BCAT2: variants seen among roughly 807,000 people sequenced by gnomAD.
BCAT2 encodes the protein branched chain amino acid transaminase 2.
BCAT2 carries 44 observed loss-of-function variants against 52.9 expected under a neutral mutation model. The observed-to-expected ratio is 0.83, with a 90% CI of 0.65 to 1.07. The LOEUF is 1.07. Ranked by LOEUF, BCAT2 falls within the 50% of genes least tolerant of loss-of-function variation. The pLI is 0.00. For synonymous variants in BCAT2, 215 were observed against 217.1 expected (o/e 0.99, Z 0.08); for missense variants, 478 against 521.8 (o/e 0.92, Z 0.82).
At chr19:48,803,566 G>A (rs2034701268) in intron 3 of BCAT2, among the ~76,000 whole-genome samples, 1 of 151,792 alleles carries the variant, frequency 6.6e-6, no homozygotes, top group African/African-American at 2.4e-5. Context: ...AAATGCAGGT[G>A]GCCAGGCTTG....
rs2034823995 is a variant in BCAT2 at position 48,807,735 on chromosome 19, G to A, written c.25-661C>T. The A allele has an allele frequency of 6.1e-6, 6 of 986,362 alleles. No individual in the cohort carries two copies. Among genetic ancestry groups the A allele is most frequent in the South Asian group, 9.1e-5 (2 of 21,968 alleles). 61.1% of individuals were successfully genotyped at this position (986,362 alleles called of 1,614,324 possible). A position where few individuals can be genotyped will look rare whatever the true frequency, so the allele number is the denominator to read the frequency against. On this transcript the variant is annotated intron_variant, in intron 1 of 10. Transcript: ENST00000316273. This position sits in a 1 kb window ranked among gnomAD's most constrained non-coding sequence, Gnocchi z 4.6. ...AGGTGCTTATTCTCTGAAGGTATTCGATCAACTGGGCTCTGATTACCTGAA... is the reference window on the plus strand; with the variant it reads ...AGGTGCTTATTCTCTGAAGGTATTCAATCAACTGGGCTCTGATTACCTGAA...
At position 48,799,755 on chromosome 19, in the gene BCAT2, G is replaced by A. The variant is rs528950005; in HGVS notation, c.615C>T (p.Ser205=). 5.1e-5 allele frequency: 81 copies of A among 1,579,228 alleles called. No homozygotes were observed. The East Asian group carries it at 1.8e-3, about 36-fold the overall frequency. ...CPVGAYFPGG[S]VTPVSLLADP... is the part of the protein sequence containing the mutation. ...CGGCCAGGAGGGAGACCGGGGTCAC[G>A]GAGCCTCCAGGGAAGTAGGCACCCA... The change falls in exon 6 of 11, where the codon TCC becomes TCT. Residue 205 remains serine, a synonymous_variant. Coordinates refer to ENST00000316273, the MANE Select transcript of BCAT2 (RefSeq NM_001190.4). This position sits in a 1 kb window ranked among gnomAD's most constrained non-coding sequence, Gnocchi z 5.5.
Position 48,799,653 on chromosome 19 carries a change from TG to T in BCAT2, c.695+21del, listed in dbSNP as rs1247275890. 1 of 1,545,896 alleles carries T rather than the reference TG, an allele frequency of 6.5e-7. No individual in the cohort carries two copies. The highest frequency in any genetic ancestry group is 1.2e-5 in the South Asian group (1 of 81,472). On this transcript the variant is annotated intron_variant, in intron 6 of 10. Coordinates refer to ENST00000316273, the MANE Select transcript of BCAT2 (RefSeq NM_001190.4). The surrounding 1 kb of genome is among the most constrained non-coding windows in gnomAD (Gnocchi z 5.5). Reference sequence around the variant, plus strand: ...CCAACGCCCAGTGCGCCAGTCGTTCTGGGGATGGGGGTGCTACTTACCCACC... The same window carrying T: ...CCAACGCCCAGTGCGCCAGTCGTTCTGGGATGGGGGTGCTACTTACCCACC...
Position 48,795,166 on chromosome 19 carries a change from G to C in BCAT2, c.*260C>G, listed in dbSNP as rs1263418885. 3.7e-6 allele frequency: 2 copies of C among 546,494 alleles called. No homozygotes were observed. Among genetic ancestry groups the C allele is most frequent in the African/African-American group, 1.9e-5 (1 of 52,330 alleles). 33.9% of individuals were successfully genotyped at this position (546,494 alleles called of 1,614,324 possible). On this transcript the variant is annotated 3_prime_UTR_variant, in exon 11 of 11. Transcript: ENST00000316273. ...CCTGAGAACGGAGAGATCCGGAATC[G>C]GGGCCAAGGTGTATCCTTGACCGCA...
chr19:48,795,580 T>C (rs532471434), intron 10 of BCAT2, 116 bp from the exon 11 acceptor site: 26 of 1,200,212 alleles, frequency 2.2e-5, no homozygotes, highest in African/African-American at 1.5e-4. Flanking sequence ...TCACGGGAAA[T>C]GTAGTCCACT....
At chr19:48,802,028 CTCT>C (rs2034668886) in intron 3 of BCAT2, among the ~76,000 whole-genome samples, 1 of 152,012 alleles carries the variant, frequency 6.6e-6, no homozygotes, top group African/African-American at 2.4e-5. Context: ...ATCCCCCTGC[CTCT>C]TCTTCCCAGC....
intron 3 of BCAT2, among the ~76,000 whole-genome samples, chr19:48,801,320 T>TG (rs1054883019): frequency 1.1e-4 from 16 of 151,916 alleles, no homozygotes; most frequent in Admixed American, 1.1e-3. Context: ...TACAATATTT[T>TG]GGGGGGATAA....
Position 48,804,218 on chromosome 19 carries a change from G to A in BCAT2, c.300+2299C>T, listed in dbSNP as rs1051199575. On this transcript the variant is annotated intron_variant, in intron 3 of 10. Coordinates refer to ENST00000316273, the MANE Select transcript of BCAT2 (RefSeq NM_001190.4). Reference sequence around the variant, plus strand: ...GTTGGAATCCCACATTTGATGCTGTGTGTTATTATGTATGCGTATTAGTAC... The same window carrying A: ...GTTGGAATCCCACATTTGATGCTGTATGTTATTATGTATGCGTATTAGTAC... Among the ~76,000 whole-genome samples, 3 of 152,026 alleles carry A rather than the reference G, an allele frequency of 2.0e-5. No individual in the cohort carries two copies. In the East Asian group the frequency reaches 5.8e-4, roughly 29 times the overall value.
rs772170247 is a variant in BCAT2, at chr19:48,797,042, T to C, written c.839-20A>G. 8.7e-6 allele frequency: 14 copies of C among 1,613,464 alleles called. No individual in the cohort carries two copies. The highest frequency in any genetic ancestry group is 7.6e-6 in the Non-Finnish European group (9 of 1,179,562). ...CCAGCACTAGGGCAGGTGTAAGGGG[T>C]GGAAGATGTTACCTCTCACCCCCTA... On this transcript the variant is annotated intron_variant, in intron 7 of 10. Transcript: ENST00000316273.
chr19:48,805,310 C>G (rs1237164691), intron 3 of BCAT2, among the ~76,000 whole-genome samples: 1 of 152,118 alleles, frequency 6.6e-6, no homozygotes, highest in Non-Finnish European at 1.5e-5. Flanking sequence ...CATGTGGGGA[C>G]AGGCCCAAGG....
chr19:48,801,698 T>TC (rs1322317191), intron 3 of BCAT2, among the ~76,000 whole-genome samples: 2 of 151,676 alleles, frequency 1.3e-5, no homozygotes, highest in African/African-American at 2.4e-5. Flanking sequence ...GCTGAAGTGC[T>TC]CTATCTTGGC....
Position 48,800,301 on chromosome 19 carries a change from C to T in BCAT2, c.301-4G>A, listed in dbSNP as rs1367004056. 3.1e-6 allele frequency: 5 copies of T among 1,612,574 alleles called. No individual in the cohort carries two copies. Among genetic ancestry groups the T allele is most frequent in the Non-Finnish European group, 4.2e-6 (5 of 1,179,772 alleles). On this transcript the variant is annotated splice_region_variant and splice_polypyrimidine_tract_variant and intron_variant, in intron 3 of 10. Transcript: ENST00000316273. ...ACGCCTTCATGCCCTCAAACAGCTG[C>T]GGGGACACGCGGGTGGGGAGGCTCA...
intron 2 of BCAT2, 81 bp from the exon 3 acceptor site, chr19:48,806,798 TC>T: frequency 6.5e-7 from 1 of 1,538,032 alleles, no homozygotes; most frequent in Non-Finnish European, 8.9e-7. Flanking sequence ...GCCCTGGGCC[TC>T]AGACCCATAG....
intron 3 of BCAT2, among the ~76,000 whole-genome samples, chr19:48,804,361 T>C (rs2034717564): frequency 6.6e-6 from 1 of 151,882 alleles, no homozygotes; most frequent in Non-Finnish European, 1.5e-5. Flanking sequence ...CTGGCCAACA[T>C]GGTGAAACCC....
rs771238428 is a variant in BCAT2, at chr19:48,797,582, G to C, written c.696-249C>G. 8.7e-6 allele frequency: 4 copies of C among 459,706 alleles called. No individual in the cohort carries two copies. In the Admixed American group the frequency reaches 1.5e-4, roughly 17 times the overall value. The allele number at this position is 459,706 out of a possible 1,614,324, so 28.5% of individuals were successfully genotyped here. ...TCTTTTTTTTTTAAGACGGAGTCTC[G>C]CTCTGTCACCCAGGCTGGAGTGCAG... On this transcript the variant is annotated intron_variant, in intron 6 of 10. Coordinates refer to ENST00000316273, the MANE Select transcript of BCAT2 (RefSeq NM_001190.4).
chr19:48,804,244 C>T (rs922851352), intron 3 of BCAT2, among the ~76,000 whole-genome samples: 1 of 151,810 alleles, frequency 6.6e-6, no homozygotes, highest in African/African-American at 2.4e-5. Flanking sequence ...GTATTAGTAC[C>T]ACAATAATAA....
intron 6 of BCAT2, chr19:48,797,638 C>T (rs973295684): frequency 6.1e-6 from 2 of 326,556 alleles, no homozygotes; most frequent in Non-Finnish European, 1.2e-5. Flanking sequence ...GCAACCTCCG[C>T]CTCCCAGGTT....
chr19:48,808,399 AG>A, intron 1 of BCAT2: 3 of 311,806 alleles, frequency 9.6e-6, no homozygotes, highest in Non-Finnish European at 1.4e-5. Flanking sequence ...GCGCACAAAC[AG>A]AAAAAAAAAA....
chr19:48,797,402 G>T, intron 6 of BCAT2, 69 bp from the exon 7 acceptor site: 1 of 1,577,468 alleles, frequency 6.3e-7, no homozygotes. Flanking sequence ...CCCCAGAGGA[G>T]GCTCATCCTA....
Sources: gnomAD v4.1 joint callset for allele counts (sites outside exome capture counted in the v4.1 genomes callset) on GRCh38, gnomAD v4.1.1 for gene constraint, Gnocchi (gnomAD v3.1) non-coding constraint, MANE v1.5 for transcripts, NCBI Gene and HGNC (gene_info 2026-07-23, HGNC 2026-07-21) for gene names.